The following FMN1 variants were observed in gnomAD, a reference collection of about 807,000 sequenced individuals.
FMN1 encodes formin 1, also known as formin-1.
A neutral mutation model predicts 132.4 loss-of-function variants in FMN1; 110 were observed. The ratio of observed to expected loss-of-function variants is 0.83; its 90% CI spans 0.71 to 0.97. The LOEUF (loss-of-function observed/expected upper bound fraction) is 0.97. FMN1 is among the 50% of genes least tolerant of loss of function. The probability of loss-of-function intolerance (pLI) is 0.00; values close to 1 mark genes in which losing one functional copy is unlikely to be tolerated. For missense variants in FMN1, 1,792 were observed against 1,705.3 expected (o/e 1.05, Z -0.90); for synonymous variants, 722 against 651.7 (o/e 1.11, Z -1.64).
At position 33,002,431 on chromosome 15, in the gene FMN1, A is replaced by T. The variant is rs150706693; in HGVS notation, c.2223+5583T>A. On this transcript the variant is annotated intron_variant, in intron 7 of 20. Coordinates refer to ENST00000616417, the MANE Select transcript of FMN1 (RefSeq NM_001277313.2). ...AAACAGGTAGGGGTGATATTCAGTG[A>T]GTACTCACAAGTACAGCTAGGGTGG... 1.9e-3 allele frequency among the ~76,000 whole-genome samples: 295 copies of T among 152,352 alleles called. 1 individual carries two copies. Among genetic ancestry groups the T allele is most frequent in the Middle Eastern group, 6.8e-3 (2 of 294 alleles).
At chr15:33,070,427 C>G (rs1018402316) in intron 5 of FMN1, among the ~76,000 whole-genome samples, 5 of 142,754 alleles carry the variant, frequency 3.5e-5, no homozygotes, top group Non-Finnish European at 7.6e-5. Context: ...GACTCAATTT[C>G]TCAGACATAA....
At chr15:32,892,814 T>C (rs1286770954) in intron 15 of FMN1, among the ~76,000 whole-genome samples, 1 of 152,194 alleles carries the variant, frequency 6.6e-6, no homozygotes, top group Non-Finnish European at 1.5e-5. Context: ...CAGCAATTTA[T>C]CCATCTCTTC....
intron 6 of FMN1, among the ~76,000 whole-genome samples, chr15:33,009,514 T>A (rs1181592221): frequency 6.6e-6 from 1 of 152,218 alleles, no homozygotes; most frequent in African/African-American, 2.4e-5. Flanking sequence ...GTACACTGGC[T>A]TTCTTGCCAT....
intron 10 of FMN1, among the ~76,000 whole-genome samples, chr15:32,917,101 T>C (rs1041121006): frequency 6.6e-6 from 1 of 152,044 alleles, no homozygotes; most frequent in Non-Finnish European, 1.5e-5. Context: ...GAGGTCATCC[T>C]TGAGAGCAAA....
At chr15:33,036,259 G>C (rs1378350575) in intron 6 of FMN1, among the ~76,000 whole-genome samples, 2 of 152,172 alleles carry the variant, frequency 1.3e-5, no homozygotes, top group African/African-American at 2.4e-5. Context: ...GCCTAGAAGA[G>C]AGCCTGGTGT....
intron 5 of FMN1, among the ~76,000 whole-genome samples, 160 bp from the exon 6 acceptor site, chr15:33,065,234 T>C (rs1437673410): frequency 6.6e-6 from 1 of 152,202 alleles, no homozygotes; most frequent in Non-Finnish European, 1.5e-5. Context: ...TGTGACCCTT[T>C]TCCAGAAGTG....
chr15:32,867,410 T>C (rs1049356211), intron 16 of FMN1, among the ~76,000 whole-genome samples: 1 of 152,214 alleles, frequency 6.6e-6, no homozygotes, highest in African/African-American at 2.4e-5. Context: ...CTTCCCATTA[T>C]GGTGTTCTCC....
rs1462628080 is a variant in FMN1 at position 32,768,496 on chromosome 15, A to G, written c.*5814T>C. The G allele has an allele frequency of 6.6e-6, 1 of 152,216 alleles. No individual in the cohort carries two copies. The highest frequency in any genetic ancestry group is 2.4e-5 in the African/African-American group (1 of 41,454). 9.4% of individuals were successfully genotyped at this position (152,216 alleles called of 1,614,324 possible). A position where few individuals can be genotyped will look rare whatever the true frequency, so the allele number is the denominator to read the frequency against. Reference sequence around the variant, plus strand: ...ATACATGGAGAGAAATATTCATATTAATTTAAGACGTTCTCATAGTTTCAA... The same window carrying G: ...ATACATGGAGAGAAATATTCATATTGATTTAAGACGTTCTCATAGTTTCAA... On this transcript the variant is annotated 3_prime_UTR_variant, in exon 21 of 21. Transcript: ENST00000616417.
intron 3 of FMN1, among the ~76,000 whole-genome samples, chr15:33,178,231 C>T (rs908615170): frequency 3.3e-5 from 5 of 152,138 alleles, no homozygotes; most frequent in African/African-American, 1.2e-4. Flanking sequence ...AAATGAGACC[C>T]AGGACACAGT....
At chr15:33,123,590 G>A (rs923496065) in intron 4 of FMN1, among the ~76,000 whole-genome samples, 9 of 152,122 alleles carry the variant, frequency 5.9e-5, no homozygotes, top group Admixed American at 2.0e-4. Flanking sequence ...TCTAACATAT[G>A]GTATGGGGGT....
chr15:32,966,785 C>G (rs1001053591), intron 8 of FMN1, among the ~76,000 whole-genome samples: 1 of 152,198 alleles, frequency 6.6e-6, no homozygotes. Context: ...ACTTAATCCT[C>G]TAGTTGCACA....
chr15:32,890,115 T>A (rs2059990736), intron 15 of FMN1, among the ~76,000 whole-genome samples: 1 of 151,414 alleles, frequency 6.6e-6, no homozygotes, highest in Non-Finnish European at 1.5e-5. Flanking sequence ...TTCCTTTTTA[T>A]GGCTGAGTAG....
chr15:32,871,739 TAC>T (rs1260982862), intron 16 of FMN1, among the ~76,000 whole-genome samples: 3 of 152,212 alleles, frequency 2.0e-5, no homozygotes, highest in Non-Finnish European at 4.4e-5. Flanking sequence ...AAATGGGTTG[TAC>T]CACAATGGGA....
chr15:33,007,878 CA>C, intron 7 of FMN1, 135 bp downstream of exon 7: 1 of 627,720 alleles, frequency 1.6e-6, no homozygotes, highest in Non-Finnish European at 2.8e-6. Context: ...TGTATAGACA[CA>C]GTGCCTACTG....
intron 19 of FMN1, among the ~76,000 whole-genome samples, chr15:32,785,161 C>CGTGTGTGTGTGTGTGTGT (rs1178285469): frequency 1.9e-5 from 1 of 51,596 alleles, no homozygotes; most frequent in African/African-American, 8.4e-5. Context: ...TGTATACGTA[C>CGTGTGTGTGTGTGTGTGT]GTGTGTGTGT....
chr15:32,901,400 G>C (rs745853312), intron 13 of FMN1, among the ~76,000 whole-genome samples: 5 of 152,320 alleles, frequency 3.3e-5, no homozygotes, highest in Admixed American at 6.5e-5. Context: ...TGAGAAAAAG[G>C]CAGGTGCTAG....
intron 17 of FMN1, among the ~76,000 whole-genome samples, chr15:32,847,823 C>T (rs2058895576): frequency 2.6e-5 from 4 of 151,834 alleles, no homozygotes; most frequent in Admixed American, 6.6e-5. Context: ...CCACTGCACT[C>T]CAGCCTGGGT....
intron 2 of FMN1, among the ~76,000 whole-genome samples, chr15:33,188,442 A>T (rs1277442567): frequency 6.6e-6 from 1 of 152,110 alleles, no homozygotes; most frequent in Non-Finnish European, 1.5e-5. Flanking sequence ...CTTTCTATAC[A>T]TAGTCTTAGA....
Position 33,154,998 on chromosome 15 carries a change from G to T in FMN1, c.-84C>A. ...CTCCAGTGGTGAGGCATGTGATGGT[G>T]GCTATGCAGAGAAAGCAGCTGACAG... On this transcript the variant is annotated 5_prime_UTR_variant, in exon 4 of 21. Coordinates refer to ENST00000616417, the MANE Select transcript of FMN1 (RefSeq NM_001277313.2). 1 of 1,127,838 alleles carries T rather than the reference G, an allele frequency of 8.9e-7. No homozygotes were observed. Among genetic ancestry groups the T allele is most frequent in the Non-Finnish European group, 1.2e-6 (1 of 816,032 alleles). The allele number at this position is 1,127,838 out of a possible 1,614,324, so 69.9% of individuals were successfully genotyped here. A position where few individuals can be genotyped will look rare whatever the true frequency, so the allele number is the denominator to read the frequency against.
Sources: gnomAD v4.1 joint callset for allele counts (sites outside exome capture counted in the v4.1 genomes callset) on GRCh38, gnomAD v4.1.1 for gene constraint, MANE v1.5 for transcripts, NCBI Gene and HGNC (gene_info 2026-07-23, HGNC 2026-07-21) for gene names.